BAIAP2L1: variants seen among roughly 807,000 people sequenced by gnomAD.
BAIAP2L1 encodes BAR/IMD domain-containing adapter protein 2-like 1.
Under a neutral mutation model 66.3 loss-of-function variants are expected in BAIAP2L1, and 35 were observed. That is an observed-to-expected ratio of 0.53 (90% CI 0.40 to 0.70). BAIAP2L1 has a LOEUF of 0.70. BAIAP2L1 is among the 30% of genes least tolerant of loss of function. The pLI, the probability that BAIAP2L1 is intolerant of heterozygous loss-of-function variation, is 0.00. For synonymous variants in BAIAP2L1, 269 were observed against 248.7 expected, an observed-to-expected ratio of 1.08 and a Z score of -0.77; for missense variants, 622 against 656.9, an observed-to-expected ratio of 0.95 and a Z score of 0.58.
At chr7:98,301,475 G>GTATA (rs60741017) in intron 12 of BAIAP2L1, among the ~76,000 whole-genome samples, 4,221 of 142,192 alleles carry the variant, frequency 0.03, 179 homozygotes, top group African/African-American at 0.097. Flanking sequence ...TTTTTTTTTG[G>GTATA]TATATATATA....
intron 3 of BAIAP2L1, among the ~76,000 whole-genome samples, 197 bp from the exon 4 acceptor site, chr7:98,320,495 T>G (rs1434712625): frequency 6.6e-6 from 1 of 152,166 alleles, no homozygotes; most frequent in Non-Finnish European, 1.5e-5. Context: ...TCACCATGCC[T>G]GGCTAACTTT....
intron 3 of BAIAP2L1, among the ~76,000 whole-genome samples, chr7:98,341,828 C>G (rs1801747472): frequency 6.6e-6 from 1 of 152,014 alleles, no homozygotes; most frequent in Non-Finnish European, 1.5e-5. Context: ...CCTCTTGTTT[C>G]TTTGCTATTT....
chr7:98,346,983 C>A (rs186887345), intron 3 of BAIAP2L1, among the ~76,000 whole-genome samples: 37 of 146,316 alleles, frequency 2.5e-4, no homozygotes, highest in African/African-American at 8.6e-4. Flanking sequence ...TCAGGGAAAG[C>A]GATGCCAGCA....
intron 3 of BAIAP2L1, among the ~76,000 whole-genome samples, chr7:98,343,852 C>G (rs1403609081): frequency 6.6e-6 from 1 of 152,144 alleles, no homozygotes; most frequent in Non-Finnish European, 1.5e-5. Flanking sequence ...TGAATGTAAC[C>G]CCAGACAGGA....
chr7:98,398,577 A>G (rs1296771933), intron 1 of BAIAP2L1, among the ~76,000 whole-genome samples: 13 of 152,190 alleles, frequency 8.5e-5, no homozygotes. Context: ...TGGCAATGGA[A>G]AACTATCAGG....
chr7:98,296,705 G>A (rs1218484629), intron 12 of BAIAP2L1, among the ~76,000 whole-genome samples: 13 of 152,214 alleles, frequency 8.5e-5, no homozygotes, highest in Admixed American at 6.5e-5. Context: ...CAGATTTCCC[G>A]TTTAACATCT....
At chr7:98,317,409 C>T (rs1466586640) in intron 5 of BAIAP2L1, 53 bp from the exon 6 acceptor site, 1 of 1,601,332 alleles carries the variant, frequency 6.2e-7, no homozygotes, top group Non-Finnish European at 8.5e-7. Flanking sequence ...CGAATTGTCA[C>T]ACAGTTTGCC....
chr7:98,317,069 T>C, intron 6 of BAIAP2L1, 150 bp downstream of exon 6: 2 of 942,622 alleles, frequency 2.1e-6, no homozygotes, highest in South Asian at 3.2e-5. Context: ...GCCAGGCTGG[T>C]CTCGAACTCC....
chr7:98,338,196 G>T (rs1012866486), intron 3 of BAIAP2L1, among the ~76,000 whole-genome samples: 12 of 152,136 alleles, frequency 7.9e-5, no homozygotes, highest in Non-Finnish European at 1.5e-4. Context: ...ACTTTGGGAG[G>T]CCGAGGCGGG....
intron 11 of BAIAP2L1, among the ~76,000 whole-genome samples, chr7:98,305,374 TCA>T (rs1245795940): frequency 6.6e-6 from 1 of 151,852 alleles, no homozygotes; most frequent in African/African-American, 2.4e-5. Context: ...AAAGTGTTAC[TCA>T]GTTTTTGTTC....
At chr7:98,344,016 T>C (rs927941902) in intron 3 of BAIAP2L1, among the ~76,000 whole-genome samples, 1 of 152,088 alleles carries the variant, frequency 6.6e-6, no homozygotes, top group African/African-American at 2.4e-5. Context: ...CCATCTCTAC[T>C]AAAAATACAA....
intron 1 of BAIAP2L1, among the ~76,000 whole-genome samples, chr7:98,362,954 A>G (rs1802306155): frequency 6.7e-6 from 1 of 150,370 alleles, no homozygotes; most frequent in South Asian, 2.1e-4. Context: ...GAAAGGGGGC[A>G]TTGGTAGCAT....
intron 12 of BAIAP2L1, among the ~76,000 whole-genome samples, chr7:98,294,851 C>T (rs569220028): frequency 5.9e-5 from 9 of 152,294 alleles, no homozygotes; most frequent in Non-Finnish European, 1.2e-4. Context: ...CTACAGGGCT[C>T]GGGTGGGGAG....
intron 3 of BAIAP2L1, among the ~76,000 whole-genome samples, chr7:98,321,022 A>AT (rs1479441147): frequency 2.6e-5 from 4 of 151,726 alleles, no homozygotes; most frequent in Non-Finnish European, 5.9e-5. Context: ...ACACTCAGCT[A>AT]TTTTTTTGGG....
chr7:98,313,210 T>C (rs1800940454), intron 7 of BAIAP2L1, among the ~76,000 whole-genome samples: 1 of 150,036 alleles, frequency 6.7e-6, no homozygotes, highest in Non-Finnish European at 1.5e-5. Context: ...GCCTGCTTCA[T>C]CCCAACTCCA....
intron 3 of BAIAP2L1, among the ~76,000 whole-genome samples, chr7:98,339,093 G>A (rs76847895): frequency 1.4e-5 from 2 of 140,036 alleles, no homozygotes; most frequent in African/African-American, 5.2e-5. Context: ...AAAAAAAAAA[G>A]ACTTTGTGTG....
chr7:98,326,849 C>T lies in BAIAP2L1; in HGVS notation c.215-6551G>A, dbSNP rs1433227731. Among the ~76,000 whole-genome samples the T allele has an allele frequency of 2.6e-5, 4 of 151,090 alleles. No individual in the cohort carries two copies. The Admixed American group carries it at 2.7e-4, about 10-fold the overall frequency. On this transcript the variant is annotated intron_variant, in intron 3 of 13. Transcript: ENST00000005260. Reference sequence around the variant, plus strand: ...TTGTATGGTCTGAAAGTGTTTTCCCCACAAATTGCTTACTAGTCGTGACAA... The same window carrying T: ...TTGTATGGTCTGAAAGTGTTTTCCCTACAAATTGCTTACTAGTCGTGACAA...
intron 3 of BAIAP2L1, among the ~76,000 whole-genome samples, chr7:98,348,074 C>T (rs551738965): frequency 1.3e-5 from 2 of 151,832 alleles, no homozygotes; most frequent in East Asian, 1.9e-4. Context: ...CACCAAGGCA[C>T]GTGTATATCT....
chr7:98,322,388 A>T (rs1168511257), intron 3 of BAIAP2L1, among the ~76,000 whole-genome samples: 1 of 152,108 alleles, frequency 6.6e-6, no homozygotes, highest in African/African-American at 2.4e-5. Context: ...ACATGTCTCA[A>T]AGTGACCTCT....
Sources: allele counts gnomAD v4.1 joint callset (sites outside exome capture counted in the v4.1 genomes callset), GRCh38; gene constraint gnomAD v4.1.1; transcripts MANE v1.5; gene names NCBI Gene and HGNC (gene_info 2026-07-23, HGNC 2026-07-21).